Variants in DISP3 observed in about 807,000 individuals in gnomAD.
DISP3 encodes the protein dispatched RND transporter family member 3, also known as protein dispatched homolog 3.
DISP3 carries 101 observed loss-of-function variants against 135.3 expected under a neutral mutation model. The ratio of observed to expected loss-of-function variants is 0.75; its 90% CI spans 0.64 to 0.88. DISP3 has a LOEUF of 0.88. DISP3 is among the 40% of genes least tolerant of loss of function. DISP3 has a pLI of 0.00. For synonymous variants in DISP3, 856 were observed against 817.0 expected (o/e 1.05, Z -0.81); for missense variants, 1,713 against 1,878.6 (o/e 0.91, Z 1.63).
chr1:11,489,644 A>G (rs752198141), intron 1 of DISP3, among the ~76,000 whole-genome samples: 2 of 152,184 alleles, frequency 1.3e-5, no homozygotes, highest in Non-Finnish European at 2.9e-5. Flanking sequence ...GAAGATTTAG[A>G]GAGCATCTCT....
chr1:11,488,818 A>G (rs1404386610), intron 1 of DISP3, among the ~76,000 whole-genome samples: 2 of 152,218 alleles, frequency 1.3e-5, no homozygotes, highest in Non-Finnish European at 2.9e-5. Context: ...TCAGGTTCAA[A>G]TAAGTCCCTT....
intron 17 of DISP3, among the ~76,000 whole-genome samples, chr1:11,532,281 C>T (rs1261775847): frequency 1.3e-5 from 2 of 152,250 alleles, no homozygotes; most frequent in South Asian, 2.1e-4. Context: ...TTGGCAAGTC[C>T]GTCCCTGCTG....
intron 1 of DISP3, among the ~76,000 whole-genome samples, chr1:11,495,161 G>T (rs1320259809): frequency 6.6e-6 from 1 of 152,198 alleles, no homozygotes; most frequent in Non-Finnish European, 1.5e-5. Flanking sequence ...GGGAGGCCAA[G>T]GCGGGCAGAT....
At chr1:11,485,242 C>T (rs1641006106) in intron 1 of DISP3, among the ~76,000 whole-genome samples, 1 of 152,156 alleles carries the variant, frequency 6.6e-6, no homozygotes, top group Non-Finnish European at 1.5e-5. Context: ...GTCAAGTGGT[C>T]TCTCCAGGGT....
chr1:11,502,890 T>A lies in DISP3; in HGVS notation c.1309T>A (p.Ser437Thr). 6.2e-7 allele frequency: 1 copy of A among 1,612,188 alleles called. No individual in the cohort carries two copies. The highest frequency in any genetic ancestry group is 8.5e-7 in the Non-Finnish European group (1 of 1,178,784). Residue 437 changes from serine to threonine, a missense_variant, in exon 3 of 21, where the codon TCT (serine) becomes ACT (threonine). Transcript: ENST00000294484. ...VTYVAMLAKQ[S>T]TSKVQVLYGG... is the part of the protein sequence containing the mutation. ...CTACGTGGCCATGCTGGCCAAGCAG[T>A]CTACCAGGTAGGAAGTCCAGCTGCA...
At position 11,536,673 on chromosome 1, in the gene DISP3, G is replaced by T; in HGVS notation, c.4166G>T (p.Gly1389Val). The T allele has an allele frequency of 1.3e-6, 2 of 1,574,068 alleles. No individual in the cohort carries two copies. Among genetic ancestry groups the T allele is most frequent in the Non-Finnish European group, 1.7e-6 (2 of 1,161,016 alleles). The change falls in exon 21 of 21, where the codon GGG becomes GTG. Residue 1389 changes from glycine (G) to valine (V), a missense_variant. By Grantham distance (109) the Gly-to-Val change is moderately radical. Transcript: ENST00000294484. The surrounding 1 kb of genome is among the most constrained non-coding windows in gnomAD (Gnocchi z 4.3). ...GGCTATAAGATTCCCCTGCCCGCAG[G>T]GGCCTCCCTATAGCCCGGGACGGGC... is the stretch of plus-strand genomic sequence containing the variant. ...QSGYKIPLPA[G>V]ASL
intron 1 of DISP3, among the ~76,000 whole-genome samples, chr1:11,480,025 G>A (rs1640850977): frequency 6.6e-6 from 1 of 152,274 alleles, no homozygotes; most frequent in Non-Finnish European, 1.5e-5. Context: ...GGGCAGTGGC[G>A]GCGCTGAGGG....
In DISP3 at chr1:11,501,056, G is replaced by A; in HGVS notation, c.64G>A (p.Glu22Lys). ...GCTAGAGGAGGAGCAGGAGGAGGAA[G>A]AAGCAACGGGTGAAACCTTTTTAGG... The part of the protein sequence containing the change: ...VWLEEEQEEE[E>K]ATGETFLGAQ... The change falls in exon 2 of 21, where the codon GAA becomes AAA. Residue 22 changes from glutamate (E) to lysine (K), a missense_variant. By Grantham distance (56) the Glu-to-Lys change is moderately conservative. Coordinates refer to ENST00000294484, the MANE Select transcript of DISP3 (RefSeq NM_020780.2). The surrounding 1 kb of genome is among the most constrained non-coding windows in gnomAD (Gnocchi z 4.9). The A allele has an allele frequency of 3.1e-6, 5 of 1,614,176 alleles. No homozygotes were observed. The highest frequency in any genetic ancestry group is 1.1e-5 in the South Asian group (1 of 91,084).
At position 11,501,352 on chromosome 1, in the gene DISP3, C is replaced by T. The variant is rs781264338; in HGVS notation, c.360C>T (p.Asp120=). 3 of 1,613,028 alleles carry T rather than the reference C, an allele frequency of 1.9e-6. No individual in the cohort carries two copies. The highest frequency in any genetic ancestry group is 3.3e-5 in the Admixed American group (2 of 59,954). ...ACCACGAGGCCTCACAGCGTTTCGA[C>T]GCTCTCACTCTGGCGCTTAAGTCCC... The part of the protein sequence containing the change: ...IRNHEASQRF[D]ALTLALKSQF... The change falls in exon 2 of 21, where the codon GAC becomes GAT. Residue 120 remains aspartate, a synonymous_variant. Coordinates refer to ENST00000294484, the MANE Select transcript of DISP3 (RefSeq NM_020780.2). The surrounding 1 kb of genome is among the most constrained non-coding windows in gnomAD (Gnocchi z 4.9).
rs767090222 is a variant in DISP3, at chr1:11,531,641, G to A, written c.3306G>A (p.Gly1102=). 3.7e-6 allele frequency: 6 copies of A among 1,613,242 alleles called. No homozygotes were observed. The highest frequency in any genetic ancestry group is 3.3e-5 in the South Asian group (3 of 91,066). The part of the protein sequence containing the change: ...KELPEPNLLP[G]QLSHGAVGVR... ...TGCCCGAGCCCAACCTGCTCCCGGG[G>A]CAGCTGTCCCACGGGGCAGTGGGCG... Residue 1102 remains glycine, a synonymous_variant, in exon 17 of 21, where the codon GGG becomes GGA. Coordinates refer to ENST00000294484, the MANE Select transcript of DISP3 (RefSeq NM_020780.2). This position sits in a 1 kb window ranked among gnomAD's most constrained non-coding sequence, Gnocchi z 5.2.
Position 11,502,045 on chromosome 1 carries a change from G to C in DISP3, c.1053G>C (p.Lys351Asn). ...TTTTTCCCACCGAGAGGGGCGGCAA[G>C]ATCTACTATGACGGCATGGGCCAGG... is the stretch of plus-strand genomic sequence containing the variant. ...TYFFPTERGGKIYYDGMGQDL... is the reference protein window; with the variant it reads ...TYFFPTERGGNIYYDGMGQDL... The change falls in exon 2 of 21, where the codon AAG (lysine) becomes AAC (asparagine). Residue 351 changes from lysine (K) to asparagine (N), a missense_variant. Transcript: ENST00000294484. The C allele has an allele frequency of 6.3e-7, 1 of 1,598,782 alleles. No homozygotes were observed. The highest frequency in any genetic ancestry group is 8.5e-7 in the Non-Finnish European group (1 of 1,172,174).
chr1:11,522,922 A>AGGACCCAGCCAGGACCCAGCC (rs1642283533), intron 10 of DISP3, among the ~76,000 whole-genome samples: 5 of 22,518 alleles, frequency 2.2e-4, no homozygotes, highest in Non-Finnish European at 3.6e-4. Context: ...AGGACCCAGC[A>AGGACCCAGCCAGGACCCAGCC]AGGACCCAGC....
intron 1 of DISP3, among the ~76,000 whole-genome samples, chr1:11,493,197 A>G (rs1641235044): frequency 6.6e-6 from 1 of 152,184 alleles, no homozygotes; most frequent in Non-Finnish European, 1.5e-5. Context: ...AGGCCTGAGA[A>G]CCAGGAGGGC....
At chr1:11,482,032 A>G (rs1417765672) in intron 1 of DISP3, 1 of 152,282 alleles carries the variant, frequency 6.6e-6, no homozygotes, top group Non-Finnish European at 1.5e-5. Flanking sequence ...ATGAATGGAC[A>G]AATGAATGAA....
intron 11 of DISP3, among the ~76,000 whole-genome samples, 176 bp from the exon 12 acceptor site, chr1:11,525,000 C>G (rs1167271052): frequency 6.6e-6 from 1 of 151,856 alleles, no homozygotes; most frequent in Non-Finnish European, 1.5e-5. Context: ...CCACCTCCCC[C>G]ACTATTATTG....
At chr1:11,493,682 C>A (rs1396831401) in intron 1 of DISP3, among the ~76,000 whole-genome samples, 1 of 152,032 alleles carries the variant, frequency 6.6e-6, no homozygotes, top group Admixed American at 6.6e-5. Flanking sequence ...TGAGATCATG[C>A]CACCACACTC....
Position 11,514,408 on chromosome 1 carries a change from T to C in DISP3, c.1335T>C (p.Tyr445=), listed in dbSNP as rs751582818. The stretch of plus-strand genomic sequence containing the variant: ...CCCCCAGCAAAGTCCAGGTTCTCTA[T>C]GGGGGGACAGACCTGTTTGACTATG... ...KQSTSKVQVL[Y]GGTDLFDYEV... Residue 445 remains tyrosine (Y), a synonymous_variant, in exon 4 of 21, where the codon TAT becomes TAC. Coordinates refer to ENST00000294484, the MANE Select transcript of DISP3 (RefSeq NM_020780.2). The C allele has an allele frequency of 6.2e-7, 1 of 1,612,820 alleles. No homozygotes were observed. The highest frequency in any genetic ancestry group is 8.5e-7 in the Non-Finnish European group (1 of 1,178,780).
chr1:11,535,788 A>G (rs1642693807), intron 20 of DISP3, 144 bp downstream of exon 20: 3 of 1,125,922 alleles, frequency 2.7e-6, no homozygotes, highest in African/African-American at 1.6e-5. Context: ...AAGGTTTCCC[A>G]AAGCTGATCC....
chr1:11,482,483 A>T (rs1009716320), intron 1 of DISP3, among the ~76,000 whole-genome samples: 4 of 152,226 alleles, frequency 2.6e-5, no homozygotes, highest in Middle Eastern at 3.4e-3. Context: ...GCCAAATGAG[A>T]TGCTGAGCAA....
Sources: gnomAD v4.1 joint callset for allele counts (sites outside exome capture counted in the v4.1 genomes callset) on GRCh38, gnomAD v4.1.1 for gene constraint, Gnocchi (gnomAD v3.1) non-coding constraint, MANE v1.5 for transcripts, NCBI Gene and HGNC (gene_info 2026-07-23, HGNC 2026-07-21) for gene names.